The following GTF2A1L variants were observed in gnomAD, a reference collection of about 807,000 sequenced individuals.
GTF2A1L encodes TFIIA-alpha and beta-like factor.
Under a neutral mutation model 49.7 loss-of-function variants are expected in GTF2A1L, and 48 were observed. The ratio of observed to expected loss-of-function variants is 0.97; its 90% CI spans 0.77 to 1.23. The LOEUF (loss-of-function observed/expected upper bound fraction) is 1.23. Ranked by LOEUF, GTF2A1L falls within the 50% of genes most tolerant of loss-of-function variation. The pLI, the probability that GTF2A1L is intolerant of heterozygous loss-of-function variation, is 0.00. For synonymous variants in GTF2A1L, 246 were observed against 193.5 expected (o/e 1.27, Z -2.25); for missense variants, 736 against 564.8 (o/e 1.30, Z -3.07).
At chr2:48,662,672 T>A (rs990600243) in intron 6 of GTF2A1L, among the ~76,000 whole-genome samples, 2 of 140,222 alleles carry the variant, frequency 1.4e-5, no homozygotes, top group African/African-American at 5.6e-5. Context: ...TTTTTTTTTT[T>A]AACACTTTAA....
At chr2:48,663,592 G>GA (rs1678642796) in intron 6 of GTF2A1L, among the ~76,000 whole-genome samples, 1 of 152,080 alleles carries the variant, frequency 6.6e-6, no homozygotes, top group Admixed American at 6.5e-5. Flanking sequence ...TGTATTTTTT[G>GA]AAAATAATTT....
At position 48,642,396 on chromosome 2, in the gene GTF2A1L, A is replaced by G. The variant is rs778798800; in HGVS notation, c.248-6A>G. The stretch of plus-strand genomic sequence containing the variant: ...TGAATGTATATTTATTTTGTTTCCT[A>G]TGCAGCATCATTAGTTATTCCTGCT... On this transcript the variant is annotated splice_region_variant and splice_polypyrimidine_tract_variant and intron_variant, in intron 3 of 8. Coordinates refer to ENST00000403751, the MANE Select transcript of GTF2A1L (RefSeq NM_006872.5). 6.3e-7 allele frequency: 1 copy of G among 1,585,486 alleles called. No individual in the cohort carries two copies. Among genetic ancestry groups the G allele is most frequent in the Non-Finnish European group, 8.6e-7 (1 of 1,161,128 alleles).
At position 48,655,828 on chromosome 2, in the gene GTF2A1L, C is replaced by T. The variant is rs572398624; in HGVS notation, c.978+8786C>T. Reference sequence around the variant, plus strand: ...TTTTTCATCTTCCCAAACTCCATGCCCATTAAGCAGTAACTCCCCATTTCT... The same window carrying T: ...TTTTTCATCTTCCCAAACTCCATGCTCATTAAGCAGTAACTCCCCATTTCT... On this transcript the variant is annotated intron_variant, in intron 6 of 8. Coordinates refer to ENST00000403751, the MANE Select transcript of GTF2A1L (RefSeq NM_006872.5). Among the ~76,000 whole-genome samples, 8 of 152,218 alleles carry T rather than the reference C, an allele frequency of 5.3e-5. No homozygotes were observed. The East Asian group carries it at 1.5e-3, about 29-fold the overall frequency.
At chr2:48,675,802 T>C (rs1194845354) in intron 8 of GTF2A1L, among the ~76,000 whole-genome samples, 1 of 151,874 alleles carries the variant, frequency 6.6e-6, no homozygotes, top group African/African-American at 2.4e-5. Context: ...TTTCTAGGTG[T>C]GTAGCATGGT....
intron 1 of GTF2A1L, among the ~76,000 whole-genome samples, chr2:48,619,223 C>T (rs550561438): frequency 1.1e-4 from 17 of 152,090 alleles, no homozygotes; most frequent in African/African-American, 4.1e-4. Flanking sequence ...AATCCCAGCA[C>T]CTTGGAAGGT....
chr2:48,624,326 C>G (rs1676182959), intron 3 of GTF2A1L, among the ~76,000 whole-genome samples: 1 of 144,172 alleles, frequency 6.9e-6, no homozygotes. Flanking sequence ...TCTTCGAGAA[C>G]AAAAATATTT....
intron 6 of GTF2A1L, among the ~76,000 whole-genome samples, chr2:48,649,449 C>G (rs775563854): frequency 1.3e-5 from 2 of 152,148 alleles, no homozygotes; most frequent in Non-Finnish European, 2.9e-5. Context: ...TCCTGCCAAT[C>G]CATCCATCCT....
At position 48,646,972 on chromosome 2, in the gene GTF2A1L, T is replaced by G; in HGVS notation, c.908T>G (p.Met303Arg). 4 of 1,614,042 alleles carry G rather than the reference T, an allele frequency of 2.5e-6. No individual in the cohort carries two copies. Among genetic ancestry groups the G allele is most frequent in the Middle Eastern group, 3.3e-4 (2 of 6,062 alleles). ...DIQLHILKNR[M>R]YGCDSVKQPR... ...CAGCTTCATATTCTTAAAAATAGGATGTATGGATGTGATTCTGTAAAGCAA... is the reference window on the plus strand; with the variant it reads ...CAGCTTCATATTCTTAAAAATAGGAGGTATGGATGTGATTCTGTAAAGCAA... Residue 303 changes from methionine (M) to arginine (R), a missense_variant, in exon 6 of 9, where the codon ATG becomes AGG. Met to Arg is a moderately conservative substitution (Grantham distance 91). Coordinates refer to ENST00000403751, the MANE Select transcript of GTF2A1L (RefSeq NM_006872.5).
At chr2:48,642,809 T>A (rs1677272621) in intron 4 of GTF2A1L, among the ~76,000 whole-genome samples, 1 of 151,336 alleles carries the variant, frequency 6.6e-6, no homozygotes, top group Non-Finnish European at 1.5e-5. Context: ...TGAGCTGAGA[T>A]CATGCCATTG....
chr2:48,655,264 C>A (rs1445038430), intron 6 of GTF2A1L, among the ~76,000 whole-genome samples: 1 of 151,846 alleles, frequency 6.6e-6, no homozygotes. Flanking sequence ...ATAAATGGTA[C>A]CTAAAACTGC....
At chr2:48,672,575 G>C (rs1679230082) in intron 8 of GTF2A1L, among the ~76,000 whole-genome samples, 1 of 152,150 alleles carries the variant, frequency 6.6e-6, no homozygotes, top group African/African-American at 2.4e-5. Flanking sequence ...CAGAGGTTAT[G>C]ATGGAAAAAT....
At chr2:48,667,976 C>T (rs1036983070) in intron 6 of GTF2A1L, among the ~76,000 whole-genome samples, 1 of 152,112 alleles carries the variant, frequency 6.6e-6, no homozygotes, top group Non-Finnish European at 1.5e-5. Flanking sequence ...TGTTAGGAGC[C>T]TTCTTGACTC....
chr2:48,658,345 T>A (rs7600182), intron 6 of GTF2A1L, among the ~76,000 whole-genome samples: 8,350 of 152,228 alleles, frequency 0.055, 781 homozygotes, highest in African/African-American at 0.19. Context: ...CCATCACCAT[T>A]TATTGAATAG....
chr2:48,650,950 A>G (rs990850512), intron 6 of GTF2A1L, among the ~76,000 whole-genome samples: 3 of 152,202 alleles, frequency 2.0e-5, no homozygotes, highest in Non-Finnish European at 4.4e-5. Flanking sequence ...GGTTAGGCTT[A>G]TCTTGTTTTA....
In GTF2A1L at chr2:48,630,826, AT is replaced by A. The variant is rs202129103; in HGVS notation, c.247+9537del. Among the ~76,000 whole-genome samples, 1,049 of 152,128 alleles carry A rather than the reference AT, an allele frequency of 6.9e-3. 25 individuals carry two copies. Among genetic ancestry groups the A allele is most frequent in the African/African-American group, 0.024 (1,004 of 41,474 alleles). On this transcript the variant is annotated intron_variant, in intron 3 of 8. Transcript: ENST00000403751. The stretch of plus-strand genomic sequence containing the variant: ...AGGGTTTTTCTTTTATCATGAAGTC[AT>A]GTTGGATTTTACCAAAAGCTTTTTC...
chr2:48,641,084 G>T (rs904768874), intron 3 of GTF2A1L, among the ~76,000 whole-genome samples: 2 of 152,114 alleles, frequency 1.3e-5, no homozygotes, highest in African/African-American at 2.4e-5. Context: ...GAGGATGATT[G>T]TTGCTATTTT....
At chr2:48,644,112 A>G (rs1259535220) in intron 4 of GTF2A1L, among the ~76,000 whole-genome samples, 1 of 152,208 alleles carries the variant, frequency 6.6e-6, no homozygotes, top group Non-Finnish European at 1.5e-5. Flanking sequence ...TGGAGATTAC[A>G]GTGAGTTATG....
chr2:48,624,636 C>T lies in GTF2A1L; in HGVS notation c.247+3346C>T. ...TTATTAAGTATAGCCCTCATGTTAT[C>T]TATTAGATATTTAGACTTATTGATC... On this transcript the variant is annotated intron_variant, in intron 3 of 8. Coordinates refer to ENST00000403751, the MANE Select transcript of GTF2A1L (RefSeq NM_006872.5). 1.4e-5 allele frequency among the ~76,000 whole-genome samples: 2 copies of T among 144,056 alleles called. 1 individual carries two copies. The highest frequency in any genetic ancestry group is 3.1e-5 in the Non-Finnish European group (2 of 63,908). 94.5% of individuals were successfully genotyped at this position (144,056 alleles called of 152,430 possible). A position where few individuals can be genotyped will look rare whatever the true frequency, so the allele number is the denominator to read the frequency against.
intron 6 of GTF2A1L, among the ~76,000 whole-genome samples, chr2:48,667,463 G>T (rs886540606): frequency 2.6e-5 from 4 of 152,188 alleles, no homozygotes; most frequent in Middle Eastern, 3.2e-3. Flanking sequence ...TTCATTGTTA[G>T]TATGGTAGTG....
Sources: gnomAD v4.1 joint callset for allele counts (sites outside exome capture counted in the v4.1 genomes callset) on GRCh38, gnomAD v4.1.1 for gene constraint, MANE v1.5 for transcripts, NCBI Gene and HGNC (gene_info 2026-07-23, HGNC 2026-07-21) for gene names.